The following SHROOM2 variants were observed in gnomAD, a reference collection of about 807,000 sequenced individuals.
SHROOM2 encodes shroom family member 2.
In SHROOM2, 33 loss-of-function variants were observed where a neutral mutation model predicts 75.9. The ratio of observed to expected loss-of-function variants is 0.43; its 90% CI spans 0.33 to 0.58. SHROOM2 has a LOEUF of 0.58. Among genes scored for constraint, SHROOM2 ranks in the 20% least tolerant of loss-of-function variants. The probability of loss-of-function intolerance (pLI) is 0.04; values close to 1 mark genes in which losing one functional copy is unlikely to be tolerated. For missense variants in SHROOM2, 1,434 were observed against 1,461.2 expected, an observed-to-expected ratio of 0.98 and a Z score of 0.30; for synonymous variants, 655 against 663.6, an observed-to-expected ratio of 0.99 and a Z score of 0.20.
chrX:9,863,168 C>T lies in SHROOM2; in HGVS notation c.166-10484C>T, dbSNP rs1444485730. ...CGCTGCAGCTCTCACCTGCCCAGGG[C>T]ACATTCCACCCCTGCCCGTTTCTCC... On this transcript the variant is annotated intron_variant, in intron 1 of 9. Coordinates refer to ENST00000380913, the MANE Select transcript of SHROOM2 (RefSeq NM_001649.4). Among the ~76,000 whole-genome samples, 2 of 111,326 alleles carry T rather than the reference C, an allele frequency of 1.8e-5. 1 individual carries two copies. The highest frequency in any genetic ancestry group is 6.5e-5 in the African/African-American group (2 of 30,598).
chrX:9,812,785 C>T (rs923193372), intron 1 of SHROOM2, among the ~76,000 whole-genome samples: 1 of 112,188 alleles, frequency 8.9e-6, no homozygotes, highest in Non-Finnish European at 1.9e-5. Flanking sequence ...TGAGGTAGGA[C>T]AGTAAAGGTA....
chrX:9,847,484 A>T (rs1426641959), intron 1 of SHROOM2, among the ~76,000 whole-genome samples: 1 of 112,090 alleles, frequency 8.9e-6, no homozygotes, highest in African/African-American at 3.2e-5. Context: ...GCTCCGACGA[A>T]TGTAAGAGAC....
chrX:9,808,642 A>G (rs1343520216), intron 1 of SHROOM2, among the ~76,000 whole-genome samples: 4 of 107,415 alleles, frequency 3.7e-5, no homozygotes, highest in African/African-American at 1.3e-4. Flanking sequence ...TGGGTGGATC[A>G]CCTGAGGTCA....
chrX:9,824,682 C>T (rs1245522665), intron 1 of SHROOM2, among the ~76,000 whole-genome samples: 2 of 111,497 alleles, frequency 1.8e-5, no homozygotes, highest in Admixed American at 1.9e-4. Context: ...GAGGGGCGTT[C>T]TGGGTATTGG....
intron 1 of SHROOM2, among the ~76,000 whole-genome samples, chrX:9,831,466 C>G (rs1367666307): frequency 9.0e-6 from 1 of 111,278 alleles, no homozygotes; most frequent in East Asian, 2.8e-4. Context: ...CAAGACCAGC[C>G]TGACCAGCAT....
chrX:9,886,199 G>C (rs2084260052), intron 2 of SHROOM2, among the ~76,000 whole-genome samples: 1 of 112,332 alleles, frequency 8.9e-6, no homozygotes, highest in South Asian at 3.6e-4. Context: ...CAGGTTCCCT[G>C]CCTGCCTCCG....
chrX:9,833,608 CTGTGTGTGTGTG>C (rs144161839), intron 1 of SHROOM2, among the ~76,000 whole-genome samples: 2,726 of 95,319 alleles, frequency 0.029, 35 homozygotes, highest in Non-Finnish European at 0.04. Context: ...CAAGTAGACT[CTGTGTGTGTGTG>C]TGTGTGTGTG....
intron 5 of SHROOM2, among the ~76,000 whole-genome samples, chrX:9,906,081 T>G (rs1216600348): frequency 8.9e-6 from 1 of 112,452 alleles, no homozygotes; most frequent in Non-Finnish European, 1.9e-5. Context: ...CAGTTTTGCT[T>G]GCATATAACT....
At chrX:9,792,064 T>TCACC (rs2083658342) in intron 1 of SHROOM2, among the ~76,000 whole-genome samples, 1 of 12,299 alleles carries the variant, frequency 8.1e-5, no homozygotes, top group African/African-American at 2.6e-4. Context: ...TAGAATAGAA[T>TCACC]AGAATAGAAT....
chrX:9,891,235 G>A (rs1375950339), intron 3 of SHROOM2, 127 bp downstream of exon 3: 5 of 863,189 alleles, frequency 5.8e-6, no homozygotes, highest in African/African-American at 4.2e-5. Flanking sequence ...CACAGTTGGA[G>A]GGCTCTGAAT....
chrX:9,890,870 C>T (rs2084287047), intron 2 of SHROOM2, 107 bp from the exon 3 acceptor site: 5 of 822,679 alleles, frequency 6.1e-6, no homozygotes, highest in East Asian at 7.2e-5. Context: ...CTGTTTGGCA[C>T]GAGCGTGTGC....
Position 9,901,794 on chromosome X carries a change from G to A in SHROOM2, c.2891+3504G>A, listed in dbSNP as rs189874082. 4.6e-4 allele frequency among the ~76,000 whole-genome samples: 52 copies of A among 112,233 alleles called. No homozygotes were observed. The Admixed American group carries it at 4.9e-3, about 11-fold the overall frequency. On this transcript the variant is annotated intron_variant, in intron 5 of 9. Coordinates refer to ENST00000380913, the MANE Select transcript of SHROOM2 (RefSeq NM_001649.4). The stretch of plus-strand genomic sequence containing the variant: ...TATTTGTACACCTTCACTATTCCTT[G>A]CTGTCTGCTGGGCTGGACCGTTGGC...
intron 5 of SHROOM2, among the ~76,000 whole-genome samples, chrX:9,930,521 AAAAG>A (rs527400882): frequency 0.025 from 2,680 of 107,615 alleles, 27 homozygotes; most frequent in Non-Finnish European, 0.031. Context: ...AAAAAAAAAG[AAAAG>A]AAAGAAAGAA....
At chrX:9,787,499 A>C (rs1293531179) in intron 1 of SHROOM2, among the ~76,000 whole-genome samples, 2 of 112,462 alleles carry the variant, frequency 1.8e-5, no homozygotes, top group African/African-American at 6.5e-5. Flanking sequence ...TGTAGTGGTC[A>C]TTTTCTCTGG....
In SHROOM2 at chrX:9,938,220, CTTTA is replaced by C. The variant is rs752937908; in HGVS notation, c.4139+539_4139+542del. Among the ~76,000 whole-genome samples the C allele has an allele frequency of 1.3e-4, 14 of 111,353 alleles. No individual in the cohort carries two copies. The East Asian group carries it at 3.4e-3, about 27-fold the overall frequency. On this transcript the variant is annotated intron_variant, in intron 7 of 9. Transcript: ENST00000380913. ...TTCTTTATGAAATGTTTTTTTAAAA[CTTTA>C]TTTGAAATTTTTTTACATCTGCATT...
At chrX:9,837,688 C>T (rs2146765612) in intron 1 of SHROOM2, among the ~76,000 whole-genome samples, 1 of 112,070 alleles carries the variant, frequency 8.9e-6, no homozygotes, top group South Asian at 3.7e-4. Context: ...CTGTGTTGGG[C>T]CTGGTCGTGT....
In SHROOM2 at chrX:9,939,285, C is replaced by T; in HGVS notation, c.4230C>T (p.Ile1410=). The T allele has an allele frequency of 8.3e-7, 1 of 1,210,451 alleles. No individual in the cohort carries two copies. Residue 1410 remains isoleucine, a synonymous_variant, in exon 8 of 10, where the codon ATC becomes ATT. Transcript: ENST00000380913. ...CGGCCCCCAAGGCGGAGCTGCTGAT[C>T]AAGATGAAGGACCTGCAGGAGCAGC... The part of the protein sequence containing the change: ...STSAPKAELL[I]KMKDLQEQQE...
intron 1 of SHROOM2, among the ~76,000 whole-genome samples, chrX:9,855,360 G>A (rs1398858282): frequency 3.2e-5 from 3 of 95,225 alleles, no homozygotes; most frequent in African/African-American, 1.2e-4. Flanking sequence ...ATGTCAAAAT[G>A]TGGTAAAAAG....
intron 1 of SHROOM2, among the ~76,000 whole-genome samples, chrX:9,810,160 C>G (rs1266635144): frequency 8.9e-6 from 1 of 111,862 alleles, no homozygotes; most frequent in Non-Finnish European, 1.9e-5. Flanking sequence ...GTACTGATGA[C>G]TACCCTCTTC....
Sources: gnomAD v4.1 joint callset for allele counts (sites outside exome capture counted in the v4.1 genomes callset) on GRCh38, gnomAD v4.1.1 for gene constraint, MANE v1.5 for transcripts, NCBI Gene and HGNC (gene_info 2026-07-23, HGNC 2026-07-21) for gene names.